Variants in PDPR observed in about 807,000 individuals in gnomAD.
The protein encoded by PDPR is pyruvate dehydrogenase phosphatase regulatory subunit, mitochondrial.
A neutral mutation model predicts 102.2 loss-of-function variants in PDPR; 50 were observed. The observed-to-expected ratio is 0.49, with a 90% CI of 0.39 to 0.62. PDPR has a LOEUF of 0.62. PDPR is among the 20% of genes least tolerant of loss of function. The probability of loss-of-function intolerance (pLI) is 0.00; values close to 1 mark genes in which losing one functional copy is unlikely to be tolerated. For missense variants in PDPR, 625 were observed against 1,098.2 expected (o/e 0.57, Z 6.09); for synonymous variants, 259 against 406.0 (o/e 0.64, Z 4.35).
chr16:70,142,741 A>G (rs557802144), intron 13 of PDPR, 55 bp downstream of exon 13: 1 of 1,609,636 alleles, frequency 6.2e-7, no homozygotes, highest in African/African-American at 1.3e-5. Context: ...ATATTTATTG[A>G]ATGCCTTTTG....
chr16:70,147,700 G>A (rs1232220371), intron 16 of PDPR: 1 of 428,728 alleles, frequency 2.3e-6, no homozygotes. Flanking sequence ...ACTCTTTGAA[G>A]TTCACCCAAA....
intron 11 of PDPR, among the ~76,000 whole-genome samples, chr16:70,139,726 G>T (rs749400504): frequency 2.9e-4 from 44 of 152,204 alleles, no homozygotes; most frequent in Non-Finnish European, 5.7e-4. Flanking sequence ...ACCAAACCAC[G>T]TGGGTTCAAG....
chr16:70,135,600 G>T (rs564925707), intron 9 of PDPR, among the ~76,000 whole-genome samples: 2 of 152,250 alleles, frequency 1.3e-5, no homozygotes, highest in African/African-American at 4.8e-5. Flanking sequence ...ACTCACACTG[G>T]TCCCTTCAAG....
chr16:70,141,428 C>T (rs1352745443), intron 11 of PDPR, among the ~76,000 whole-genome samples: 1 of 152,264 alleles, frequency 6.6e-6, no homozygotes, highest in Non-Finnish European at 1.5e-5. Flanking sequence ...TCTCAGATTT[C>T]AGAGCCACCT....
rs1422377840 is a variant in PDPR, at chr16:70,159,192, A to C, written c.*2313A>C. On this transcript the variant is annotated 3_prime_UTR_variant, in exon 19 of 19. Coordinates refer to ENST00000288050, the MANE Select transcript of PDPR (RefSeq NM_017990.5). ...CTCCAACTAATTACTACAGATTGAC[A>C]CGTTTTTAATTAGCTGTCCTTTGTA... is the stretch of plus-strand genomic sequence containing the variant. 1 of 152,342 alleles carries C rather than the reference A, an allele frequency of 6.6e-6. No individual in the cohort carries two copies. The highest frequency in any genetic ancestry group is 1.5e-5 in the Non-Finnish European group (1 of 68,064). The allele number at this position is 152,342 out of a possible 1,614,324, so 9.4% of individuals were successfully genotyped here.
At chr16:70,122,150 C>G (rs1313960049) in intron 3 of PDPR, among the ~76,000 whole-genome samples, 2 of 152,264 alleles carry the variant, frequency 1.3e-5, no homozygotes, top group Non-Finnish European at 2.9e-5. Flanking sequence ...CCATGCCCGG[C>G]TAATTTCTGT....
At chr16:70,140,723 G>T (rs540101840) in intron 11 of PDPR, among the ~76,000 whole-genome samples, 6 of 152,330 alleles carry the variant, frequency 3.9e-5, no homozygotes, top group Non-Finnish European at 8.8e-5. Context: ...GCTGAGGCAG[G>T]ACAATCACTT....
At chr16:70,162,982 G>T (rs1334149030), downstream of PDPR, among the ~76,000 whole-genome samples, 1 of 152,238 alleles carries the variant, frequency 6.6e-6, no homozygotes, top group Admixed American at 6.5e-5. Context: ...GCAGAGTCTT[G>T]CTCTTTTGCC....
At chr16:70,137,599 G>A (rs1384311947) in intron 10 of PDPR, among the ~76,000 whole-genome samples, 8 of 152,362 alleles carry the variant, frequency 5.3e-5, no homozygotes, top group South Asian at 2.1e-4. Flanking sequence ...AGGTTACACC[G>A]CAGTGTGAAT....
chr16:70,119,260 A>C (rs1597287446), intron 2 of PDPR, among the ~76,000 whole-genome samples: 1 of 151,698 alleles, frequency 6.6e-6, no homozygotes, highest in Non-Finnish European at 1.5e-5. Flanking sequence ...TAGGAAGTCA[A>C]CTCTGTTTTT....
At chr16:70,123,067 A>G (rs559058947) in intron 3 of PDPR, among the ~76,000 whole-genome samples, 3 of 152,174 alleles carry the variant, frequency 2.0e-5, no homozygotes, top group South Asian at 2.1e-4. Context: ...ACACCTGGCT[A>G]ATTCTTGTAT....
intron 17 of PDPR, among the ~76,000 whole-genome samples, chr16:70,152,106 C>G (rs994115254): frequency 6.6e-6 from 1 of 152,284 alleles, no homozygotes; most frequent in Non-Finnish European, 1.5e-5. Context: ...TGTGTATTCT[C>G]CTCGTCCTGC....
chr16:70,129,962 C>T (rs556372643), intron 6 of PDPR, among the ~76,000 whole-genome samples: 1 of 152,392 alleles, frequency 6.6e-6, no homozygotes, highest in South Asian at 2.1e-4. Context: ...TTTACATAGT[C>T]TCAGGATGTG....
intron 18 of PDPR, among the ~76,000 whole-genome samples, chr16:70,155,407 G>A (rs959157108): frequency 4.6e-5 from 7 of 152,280 alleles, no homozygotes; most frequent in East Asian, 1.9e-4. Context: ...TCAGTCTCCC[G>A]AGTAGCTGTA....
chr16:70,154,605 T>G (rs1234297471), intron 18 of PDPR, among the ~76,000 whole-genome samples: 1 of 152,272 alleles, frequency 6.6e-6, no homozygotes, highest in Non-Finnish European at 1.5e-5. Flanking sequence ...TACAAACTAG[T>G]CGTCCTATAG....
chr16:70,118,554 G>A (rs1962892644), intron 2 of PDPR, among the ~76,000 whole-genome samples: 1 of 152,364 alleles, frequency 6.6e-6, no homozygotes, highest in Admixed American at 6.5e-5. Flanking sequence ...GGCAGCAGCA[G>A]TTCCCCAGGA....
In PDPR at chr16:70,120,560, C is replaced by T. The variant is rs770770703; in HGVS notation, c.68C>T (p.Ser23Phe). Reference protein sequence around the residue: ...QRASPGWQNWSSARNSTSAAE... With the variant: ...QRASPGWQNWFSARNSTSAAE... ...GCCAGCCCAGGATGGCAGAACTGGTCCTCTGCAAGAAACAGCACGTCAGCT... is the reference window on the plus strand; with the variant it reads ...GCCAGCCCAGGATGGCAGAACTGGTTCTCTGCAAGAAACAGCACGTCAGCT... The change falls in exon 3 of 19, where the codon TCC becomes TTC. Residue 23 changes from serine (S) to phenylalanine (F), a missense_variant. By Grantham distance (155) the Ser-to-Phe change is radical (BLOSUM62 -2). This residue lies in a region of PDPR where 84 missense variants were observed against 87.7 expected (regional missense o/e 0.96). Coordinates refer to ENST00000288050, the MANE Select transcript of PDPR (RefSeq NM_017990.5). The T allele has an allele frequency of 3.1e-6, 5 of 1,613,998 alleles. No individual in the cohort carries two copies. Among genetic ancestry groups the T allele is most frequent in the Non-Finnish European group, 4.2e-6 (5 of 1,179,880 alleles).
chr16:70,117,527 A>G (rs1962770426), intron 2 of PDPR, among the ~76,000 whole-genome samples: 1 of 151,928 alleles, frequency 6.6e-6, no homozygotes, highest in Non-Finnish European at 1.5e-5. Context: ...CAAAAAAAAT[A>G]AATAAGATGT....
chr16:70,150,330 C>T (rs1360726273), intron 17 of PDPR, among the ~76,000 whole-genome samples: 1 of 152,112 alleles, frequency 6.6e-6, no homozygotes, highest in Non-Finnish European at 1.5e-5. Context: ...TCTCGAACTC[C>T]TGACCTTAGG....
Sources: allele counts gnomAD v4.1 joint callset (sites outside exome capture counted in the v4.1 genomes callset), GRCh38; gene constraint gnomAD v4.1.1; regional missense constraint gnomAD v4.1.1; transcripts MANE v1.5; gene names NCBI Gene and HGNC (gene_info 2026-07-23, HGNC 2026-07-21).